FHIP1A: variants seen among roughly 807,000 people sequenced by gnomAD.
FHIP1A encodes FHF complex subunit HOOK-interacting protein 1A.
In FHIP1A, 61 loss-of-function variants were observed where a neutral mutation model predicts 88.6. That is an observed-to-expected ratio of 0.69 (90% CI 0.56 to 0.85). The LOEUF (loss-of-function observed/expected upper bound fraction) is 0.85, where lower values mean the gene tolerates loss of function less well. FHIP1A is among the 40% of genes least tolerant of loss of function. FHIP1A has a pLI of 0.00. For missense variants in FHIP1A, 1,154 were observed against 1,273.5 expected, an observed-to-expected ratio of 0.91 and a Z score of 1.43; for synonymous variants, 478 against 496.0, an observed-to-expected ratio of 0.96 and a Z score of 0.48.
At chr4:151,486,443 C>T (rs565025491) in intron 3 of FHIP1A, among the ~76,000 whole-genome samples, 8 of 152,246 alleles carry the variant, frequency 5.3e-5, no homozygotes, top group Admixed American at 3.3e-4. Flanking sequence ...TTCAATACGT[C>T]TTGGATAACT....
rs11378262 is a variant in FHIP1A at position 151,662,755 on chromosome 4, CTTT to C, written c.*15_*17del. 216 of 1,300,836 alleles carry C rather than the reference CTTT, an allele frequency of 1.7e-4. No homozygotes were observed. The South Asian group carries it at 1.7e-3, about 10-fold the overall frequency. The allele number at this position is 1,300,836 out of a possible 1,614,324, so 80.6% of individuals were successfully genotyped here. On this transcript the variant is annotated 3_prime_UTR_variant, in exon 14 of 14. Transcript: ENST00000435205. Reference sequence around the variant, plus strand: ...TGACTTTGAGGACTCCTGCTGTTAGCTTTTTTTTTTTTTTTTAATAGAGGTTCT... The same window carrying C: ...TGACTTTGAGGACTCCTGCTGTTAGCTTTTTTTTTTTTTAATAGAGGTTCT...
At chr4:151,472,813 A>C (rs1729571906) in intron 2 of FHIP1A, among the ~76,000 whole-genome samples, 1 of 152,148 alleles carries the variant, frequency 6.6e-6, no homozygotes, top group South Asian at 2.1e-4. Flanking sequence ...TAAAACATGC[A>C]GCACATTTAG....
chr4:151,426,139 G>A (rs1290532788), intron 1 of FHIP1A, among the ~76,000 whole-genome samples: 1 of 152,078 alleles, frequency 6.6e-6, no homozygotes, highest in African/African-American at 2.4e-5. Flanking sequence ...ATTATAGTTG[G>A]CTGAATCAAA....
At chr4:151,432,704 T>C (rs1733639640) in intron 1 of FHIP1A, among the ~76,000 whole-genome samples, 2 of 152,304 alleles carry the variant, frequency 1.3e-5, no homozygotes, top group East Asian at 3.9e-4. Context: ...TGGAGAGCCT[T>C]GCATATCCTC....
At chr4:151,661,411 T>TTG (rs1452198412) in intron 13 of FHIP1A, among the ~76,000 whole-genome samples, 1 of 149,902 alleles carries the variant, frequency 6.7e-6, no homozygotes, top group African/African-American at 2.5e-5. Context: ...GGAAGTTGTT[T>TTG]TTTTTTTTTT....
At chr4:151,446,478 C>T (rs1580574788) in intron 1 of FHIP1A, among the ~76,000 whole-genome samples, 2 of 106,190 alleles carry the variant, frequency 1.9e-5, no homozygotes, top group Non-Finnish European at 4.2e-5. Context: ...TTTCCCTTTC[C>T]TTTTCCTTTT....
intron 1 of FHIP1A, among the ~76,000 whole-genome samples, chr4:151,428,697 T>G (rs145100333): frequency 3.9e-5 from 6 of 152,322 alleles, no homozygotes; most frequent in African/African-American, 7.2e-5. Context: ...TCCAGTCTCA[T>G]CTCATGATAC....
chr4:151,633,453 AT>A (rs992446789), intron 8 of FHIP1A, among the ~76,000 whole-genome samples: 1 of 151,966 alleles, frequency 6.6e-6, no homozygotes, highest in Non-Finnish European at 1.5e-5. Flanking sequence ...TTTCAAACTA[AT>A]TTTATGAGGC....
intron 10 of FHIP1A, 33 bp downstream of exon 10, chr4:151,646,781 A>G: frequency 6.9e-7 from 1 of 1,446,656 alleles, no homozygotes; most frequent in Non-Finnish European, 9.4e-7. Context: ...CTTTAAACAA[A>G]AGGATGCCAG....
In FHIP1A at chr4:151,638,315, T is replaced by TTGTGTGTGTG. The variant is rs146664249; in HGVS notation, c.1147-340_1147-331dup. ...GAAAACAAATTACCTAAATAGGAGA[T>TTGTGTGTGTG]TGTGTGTGTGTGTGTGTGTGTGTGT... is the stretch of plus-strand genomic sequence containing the variant. On this transcript the variant is annotated intron_variant, in intron 8 of 13. Coordinates refer to ENST00000435205, the MANE Select transcript of FHIP1A (RefSeq NM_001109977.3). Among the ~76,000 whole-genome samples the TTGTGTGTGTG allele has an allele frequency of 4.3e-3, 625 of 143,806 alleles. 4 individuals are homozygous for TTGTGTGTGTG. Among genetic ancestry groups the TTGTGTGTGTG allele is most frequent in the Middle Eastern group, 0.011 (3 of 278 alleles). 94.3% of individuals were successfully genotyped at this position (143,806 alleles called of 152,430 possible). A position where few individuals can be genotyped will look rare whatever the true frequency, so the allele number is the denominator to read the frequency against.
At chr4:151,471,416 C>T (rs910110909) in intron 2 of FHIP1A, among the ~76,000 whole-genome samples, 28 of 150,876 alleles carry the variant, frequency 1.9e-4, no homozygotes, top group Admixed American at 1.6e-3. Flanking sequence ...CTGTTTACAT[C>T]TAAATAAGGA....
chr4:151,614,469 A>G (rs1735442489), intron 7 of FHIP1A, among the ~76,000 whole-genome samples: 1 of 133,396 alleles, frequency 7.5e-6, no homozygotes, highest in East Asian at 2.3e-4. Flanking sequence ...ACTCTGTCTC[A>G]AAAAAAAAAA....
At chr4:151,442,140 G>T (rs920537554) in intron 1 of FHIP1A, among the ~76,000 whole-genome samples, 3 of 152,102 alleles carry the variant, frequency 2.0e-5, no homozygotes, top group Non-Finnish European at 2.9e-5. Context: ...TCACATTTAT[G>T]CAGAATGCTG....
intron 8 of FHIP1A, among the ~76,000 whole-genome samples, chr4:151,633,424 C>T (rs1181389418): frequency 6.6e-6 from 1 of 151,864 alleles, no homozygotes; most frequent in African/African-American, 2.4e-5. Flanking sequence ...CTCCTAAAAA[C>T]CTGAAGATCC....
intron 7 of FHIP1A, among the ~76,000 whole-genome samples, chr4:151,593,650 G>A (rs61294884): frequency 0.11 from 16,932 of 152,196 alleles, 977 homozygotes; most frequent in African/African-American, 0.13. Context: ...TCAGTTTAAG[G>A]AGATTTTTGG....
chr4:151,494,971 C>T (rs1379874119), intron 3 of FHIP1A, among the ~76,000 whole-genome samples: 2 of 152,108 alleles, frequency 1.3e-5, no homozygotes, highest in African/African-American at 4.8e-5. Flanking sequence ...CTTGCTTTGG[C>T]TTTCAACTTG....
chr4:151,552,467 A>G (rs1732776030), intron 3 of FHIP1A, among the ~76,000 whole-genome samples: 1 of 152,234 alleles, frequency 6.6e-6, no homozygotes, highest in Non-Finnish European at 1.5e-5. Context: ...AAAATGTGGC[A>G]CATATACACC....
At chr4:151,526,923 A>C (rs1201733716) in intron 3 of FHIP1A, among the ~76,000 whole-genome samples, 3 of 135,788 alleles carry the variant, frequency 2.2e-5, no homozygotes, top group South Asian at 2.5e-4. Context: ...ATCTCAGACA[A>C]TGGGCGGCCG....
chr4:151,504,414 A>C (rs1269433713), intron 3 of FHIP1A, among the ~76,000 whole-genome samples: 1 of 152,088 alleles, frequency 6.6e-6, no homozygotes, highest in African/African-American at 2.4e-5. Context: ...ATTTAAGTGA[A>C]TAGAAAAGAA....
Sources: gnomAD v4.1 joint callset for allele counts (sites outside exome capture counted in the v4.1 genomes callset) on GRCh38, gnomAD v4.1.1 for gene constraint, MANE v1.5 for transcripts, NCBI Gene and HGNC (gene_info 2026-07-23, HGNC 2026-07-21) for gene names.